The following CCDC18 variants were observed in gnomAD, a reference collection of about 807,000 sequenced individuals.
The protein encoded by CCDC18 is coiled-coil domain containing 18, also known as coiled-coil domain-containing protein 18.
A neutral mutation model predicts 196.0 loss-of-function variants in CCDC18; 157 were observed. The ratio of observed to expected loss-of-function variants is 0.80; its 90% CI spans 0.70 to 0.91. The LOEUF (loss-of-function observed/expected upper bound fraction) is 0.91, where lower values mean the gene tolerates loss of function less well. CCDC18 is among the 40% of genes least tolerant of loss of function. The pLI is 0.00. For synonymous variants in CCDC18, 482 were observed against 529.2 expected, an observed-to-expected ratio of 0.91 and a Z score of 1.22; for missense variants, 1,465 against 1,611.6, an observed-to-expected ratio of 0.91 and a Z score of 1.56.
chr1:93,266,436 G>C (rs1015654789), intron 27 of CCDC18, among the ~76,000 whole-genome samples: 2 of 152,024 alleles, frequency 1.3e-5, no homozygotes, highest in African/African-American at 2.4e-5. Context: ...CAAGAAATAA[G>C]TAAGATCAGA....
intron 17 of CCDC18, among the ~76,000 whole-genome samples, chr1:93,227,051 A>G (rs1181686765): frequency 1.3e-5 from 2 of 152,116 alleles, no homozygotes; most frequent in East Asian, 3.9e-4. Flanking sequence ...TTTTAGATTT[A>G]GAGGTTTAAA....
intron 7 of CCDC18, among the ~76,000 whole-genome samples, chr1:93,202,571 G>A (rs1176041978): frequency 1.3e-5 from 2 of 152,144 alleles, no homozygotes; most frequent in Non-Finnish European, 2.9e-5. Context: ...TACTAATATG[G>A]GAGACTTCCA....
intron 26 of CCDC18, among the ~76,000 whole-genome samples, chr1:93,263,380 AT>A (rs1475342548): frequency 1.3e-5 from 2 of 152,074 alleles, no homozygotes; most frequent in Non-Finnish European, 2.9e-5. Context: ...ATTTCAGATC[AT>A]CTCTTTGTGA....
chr1:93,254,756 G>A (rs1662711970), intron 24 of CCDC18, 142 bp downstream of exon 24: 2 of 782,320 alleles, frequency 2.6e-6, no homozygotes, highest in African/African-American at 1.8e-5. Flanking sequence ...CCAGAAACCT[G>A]TTAGTTTCTT....
intron 28 of CCDC18, among the ~76,000 whole-genome samples, chr1:93,276,767 A>G (rs2101592055): frequency 6.6e-6 from 1 of 152,202 alleles, no homozygotes; most frequent in East Asian, 1.9e-4. Context: ...AACTGCTTTT[A>G]TATGCAAATA....
intron 7 of CCDC18, among the ~76,000 whole-genome samples, chr1:93,202,310 G>GA (rs1394665212): frequency 8.5e-5 from 13 of 152,192 alleles, no homozygotes; most frequent in Non-Finnish European, 1.8e-4. Context: ...TCACTTCAAT[G>GA]AAAATGAAGA....
At chr1:93,183,587 C>G (rs1650118381) in intron 2 of CCDC18, 92 bp downstream of exon 2, 1 of 885,676 alleles carries the variant, frequency 1.1e-6, no homozygotes, top group Non-Finnish European at 1.6e-6. Context: ...TGTTTCTAAC[C>G]TGCCTCTGGA....
chr1:93,236,433 C>T, intron 19 of CCDC18, 43 bp downstream of exon 19: 1 of 1,549,020 alleles, frequency 6.5e-7, no homozygotes, highest in Non-Finnish European at 8.7e-7. Context: ...ACTTCAATAT[C>T]AGTGGTATCT....
At chr1:93,217,484 G>A (rs1197019659) in intron 13 of CCDC18, among the ~76,000 whole-genome samples, 1 of 152,048 alleles carries the variant, frequency 6.6e-6, no homozygotes, top group African/African-American at 2.4e-5. Context: ...TCACTCTGTG[G>A]TTCAGGCTGC....
In CCDC18 at chr1:93,183,491, T is replaced by C. The variant is rs1650091475; in HGVS notation, c.130T>C (p.Ser44Pro). ...TTTGCAGAGTTTAGGGGAAGAGTTA[T>C]CCAGGTAAGTAAGTAAAATCACATA... ...WSLQSLGEEL[S>P]SVSPSENSDY... Residue 44 changes from serine (S) to proline (P), a missense_variant, in exon 2 of 29, where the codon TCC (serine) becomes CCC (proline). Ser to Pro is a moderately conservative substitution (Grantham distance 74). Coordinates refer to ENST00000690025, the MANE Select transcript of CCDC18 (RefSeq NM_001378204.1). 6.3e-7 allele frequency: 1 copy of C among 1,585,928 alleles called. No individual in the cohort carries two copies. Among genetic ancestry groups the C allele is most frequent in the African/African-American group, 1.4e-5 (1 of 73,958 alleles).
chr1:93,181,450 G>A (rs1288321810), intron 1 of CCDC18, among the ~76,000 whole-genome samples: 7 of 152,128 alleles, frequency 4.6e-5, no homozygotes, highest in Admixed American at 1.3e-4. Flanking sequence ...TCGGTGAGTA[G>A]GATGATGTGC....
chr1:93,179,989 G>A (rs924514001), upstream of CCDC18: 29 of 1,513,890 alleles, frequency 1.9e-5, no homozygotes, highest in East Asian at 6.7e-4. Context: ...TTCTAAACGG[G>A]TGAGAGGCGA....
intron 7 of CCDC18, among the ~76,000 whole-genome samples, chr1:93,204,275 A>G (rs1320505137): frequency 6.6e-6 from 1 of 152,118 alleles, no homozygotes. Context: ...CTTTATGGGA[A>G]AAAAGTGGAT....
chr1:93,232,182 G>C (rs1165887155), intron 17 of CCDC18, among the ~76,000 whole-genome samples: 1 of 152,116 alleles, frequency 6.6e-6, no homozygotes, highest in Non-Finnish European at 1.5e-5. Context: ...TCATCACTTA[G>C]GAACATTTTT....
chr1:93,210,210 T>C (rs1398288902), intron 9 of CCDC18, among the ~76,000 whole-genome samples: 1 of 152,258 alleles, frequency 6.6e-6, no homozygotes, highest in Non-Finnish European at 1.5e-5. Context: ...GTAGAAGTCA[T>C]TAAATGCTAA....
At chr1:93,268,413 C>A (rs1664806782) in intron 27 of CCDC18, among the ~76,000 whole-genome samples, 3 of 152,112 alleles carry the variant, frequency 2.0e-5, no homozygotes, top group Non-Finnish European at 2.9e-5. Flanking sequence ...GAAATGGCAA[C>A]AAAAACCAAA....
Position 93,270,625 on chromosome 1 carries a change from A to T in CCDC18, c.4164A>T (p.Thr1388=). ...AAATGCAATTAGAACAGCCTTCAAC[A>T]TTAGAAGAAAGCCATAAGAATCTGA... ...LKKMQLEQPS[T]LEESHKNLTY... is the part of the protein sequence containing the mutation. Residue 1388 remains threonine (T), a synonymous_variant, in exon 28 of 29, where the codon ACA becomes ACT. Transcript: ENST00000690025. 1 of 1,550,448 alleles carries T rather than the reference A, an allele frequency of 6.4e-7. No homozygotes were observed. The highest frequency in any genetic ancestry group is 8.7e-7 in the Non-Finnish European group (1 of 1,146,898).
chr1:93,216,449 AATACTT>A (rs1656488642), intron 12 of CCDC18, among the ~76,000 whole-genome samples, 181 bp from the exon 13 acceptor site: 1 of 152,190 alleles, frequency 6.6e-6, no homozygotes, highest in Non-Finnish European at 1.5e-5. Flanking sequence ...TATTTTGTAA[AATACTT>A]ATAATTATGT....
chr1:93,243,247 A>G (rs914902614), intron 21 of CCDC18, among the ~76,000 whole-genome samples: 2 of 152,382 alleles, frequency 1.3e-5, no homozygotes, highest in African/African-American at 4.8e-5. Context: ...CCAAACCTCA[A>G]TTCTTGACTT....
Sources: gnomAD v4.1 joint callset for allele counts (sites outside exome capture counted in the v4.1 genomes callset) on GRCh38, gnomAD v4.1.1 for gene constraint, MANE v1.5 for transcripts, NCBI Gene and HGNC (gene_info 2026-07-23, HGNC 2026-07-21) for gene names.